PDE4B: variants seen among roughly 807,000 people sequenced by gnomAD.
PDE4B encodes 3',5'-cyclic-AMP phosphodiesterase 4B.
A neutral mutation model predicts 82.2 loss-of-function variants in PDE4B; 20 were observed. The observed-to-expected ratio is 0.24, with a 90% CI of 0.17 to 0.35. PDE4B has a LOEUF of 0.35. PDE4B is among the 10% of genes least tolerant of loss of function. The pLI is 1.00. For synonymous variants in PDE4B, 320 were observed against 318.9 expected (o/e 1.00, Z -0.04); for missense variants, 655 against 907.2 (o/e 0.72, Z 3.57).
At chr1:66,072,521 G>C (rs772110889) in intron 3 of PDE4B, among the ~76,000 whole-genome samples, 82 of 152,232 alleles carry the variant, frequency 5.4e-4, no homozygotes, top group Non-Finnish European at 6.5e-4. Context: ...CAAGCAGCTA[G>C]GTGGCCCTCC....
chr1:66,038,374 G>C (rs1369660373), intron 3 of PDE4B, among the ~76,000 whole-genome samples: 1 of 152,096 alleles, frequency 6.6e-6, no homozygotes, highest in African/African-American at 2.4e-5. Flanking sequence ...CACATAGCAG[G>C]GGGTCTTGTT....
Position 66,373,722 on chromosome 1 carries a change from G to A in PDE4B, c.*1044G>A, listed in dbSNP as rs186227828. On this transcript the variant is annotated 3_prime_UTR_variant, in exon 17 of 17. Coordinates refer to ENST00000341517, the MANE Select transcript of PDE4B (RefSeq NM_002600.4). ...TATCTAACATTGCCTGCCAATGGTG[G>A]TGTTAAATTTGTGTAGAAAACTCTG... is the stretch of plus-strand genomic sequence containing the variant. 4 of 152,570 alleles carry A rather than the reference G, an allele frequency of 2.6e-5. No individual in the cohort carries two copies. Among genetic ancestry groups the A allele is most frequent in the African/African-American group, 7.2e-5 (3 of 41,412 alleles). 9.5% of individuals were successfully genotyped at this position (152,570 alleles called of 1,614,324 possible).
chr1:66,106,654 G>T (rs1349289015), intron 3 of PDE4B, among the ~76,000 whole-genome samples: 1 of 151,834 alleles, frequency 6.6e-6, no homozygotes, highest in East Asian at 1.9e-4. Flanking sequence ...ACTTCTTCCT[G>T]GTTTGGTCTT....
At chr1:66,320,558 C>T (rs899619193) in intron 7 of PDE4B, among the ~76,000 whole-genome samples, 7 of 152,146 alleles carry the variant, frequency 4.6e-5, no homozygotes, top group African/African-American at 1.7e-4. Context: ...GTCTTTGATA[C>T]TGTTCAGTAG....
chr1:66,102,177 G>T (rs546669131), intron 3 of PDE4B, among the ~76,000 whole-genome samples: 1 of 151,966 alleles, frequency 6.6e-6, no homozygotes, highest in Non-Finnish European at 1.5e-5. Flanking sequence ...CCTCTATTCC[G>T]TTCCATTGGT....
At chr1:66,286,863 C>T (rs1013465713) in intron 7 of PDE4B, among the ~76,000 whole-genome samples, 5 of 152,054 alleles carry the variant, frequency 3.3e-5, no homozygotes, top group Admixed American at 2.6e-4. Flanking sequence ...CAGTCACTGT[C>T]CCCAAAGAGC....
At chr1:65,912,945 A>G (rs1003141910) in intron 1 of PDE4B, among the ~76,000 whole-genome samples, 3 of 152,220 alleles carry the variant, frequency 2.0e-5, no homozygotes, top group Non-Finnish European at 4.4e-5. Context: ...ACTATAAAAC[A>G]TTTGTGTAAA....
At chr1:65,956,721 T>C (rs538492297) in intron 3 of PDE4B, among the ~76,000 whole-genome samples, 24 of 152,176 alleles carry the variant, frequency 1.6e-4, no homozygotes, top group Non-Finnish European at 3.5e-4. Flanking sequence ...ATGTTATGTA[T>C]ACCTGTCTCT....
chr1:66,100,170 C>T (rs1167342609), intron 3 of PDE4B, among the ~76,000 whole-genome samples: 1 of 152,112 alleles, frequency 6.6e-6, no homozygotes, highest in East Asian at 1.9e-4. Context: ...TCTCCTTCCT[C>T]AGCCTCCCAA....
intron 3 of PDE4B, among the ~76,000 whole-genome samples, chr1:66,021,885 C>A (rs1290897702): frequency 6.6e-6 from 1 of 152,184 alleles, no homozygotes; most frequent in Non-Finnish European, 1.5e-5. Flanking sequence ...GGCATTGAAT[C>A]TATAAATTAC....
intron 7 of PDE4B, among the ~76,000 whole-genome samples, chr1:66,304,970 C>T (rs940370775): frequency 6.6e-6 from 1 of 152,090 alleles, no homozygotes; most frequent in Non-Finnish European, 1.5e-5. Flanking sequence ...CTGTGCCAGG[C>T]ACTGTTATAG....
chr1:65,834,990 C>T (rs6669695), intron 1 of PDE4B, among the ~76,000 whole-genome samples: 3,085 of 152,258 alleles, frequency 0.02, 99 homozygotes, highest in African/African-American at 0.071. Flanking sequence ...CTATAGCTCT[C>T]AACGCCTCTG....
chr1:65,861,759 T>A (rs1464412907), intron 1 of PDE4B, among the ~76,000 whole-genome samples: 1 of 152,192 alleles, frequency 6.6e-6, no homozygotes. Flanking sequence ...GAAGAGGTCC[T>A]TCATATCTCT....
At chr1:66,151,633 TG>T (rs1173148391) in intron 3 of PDE4B, among the ~76,000 whole-genome samples, 1 of 152,220 alleles carries the variant, frequency 6.6e-6, no homozygotes, top group Non-Finnish European at 1.5e-5. Flanking sequence ...AATTCCTATC[TG>T]TGGTTTAAAA....
intron 8 of PDE4B, among the ~76,000 whole-genome samples, chr1:66,344,543 A>G (rs2101965930): frequency 6.6e-6 from 1 of 152,320 alleles, no homozygotes; most frequent in South Asian, 2.1e-4. Flanking sequence ...TTGCAAACTG[A>G]GAAAGGTCAC....
rs185041543 is a variant in PDE4B, at chr1:66,191,717, C to T, written c.282-55743C>T. 1.3e-3 allele frequency among the ~76,000 whole-genome samples: 205 copies of T among 152,138 alleles called. 3 individuals are homozygous for T. Among genetic ancestry groups the T allele is most frequent in the South Asian group, 4.2e-4 (2 of 4,812 alleles). On this transcript the variant is annotated intron_variant, in intron 3 of 16. Transcript: ENST00000341517. ...TTCACGCTGCTGATAAAGACATACC[C>T]GAGACTGGGTAATTTATAAAGGAAA...
intron 3 of PDE4B, among the ~76,000 whole-genome samples, chr1:65,926,182 C>T (rs144515711): frequency 1.2e-4 from 19 of 152,264 alleles, no homozygotes; most frequent in African/African-American, 4.1e-4. Context: ...CTTTGACGTC[C>T]ATTATGCACC....
At chr1:65,926,572 T>C (rs1647512608) in intron 3 of PDE4B, among the ~76,000 whole-genome samples, 1 of 152,238 alleles carries the variant, frequency 6.6e-6, no homozygotes, top group South Asian at 2.1e-4. Flanking sequence ...TTGCTTATTT[T>C]ATGTAGTAGA....
intron 1 of PDE4B, among the ~76,000 whole-genome samples, chr1:65,898,739 G>T (rs1024129230): frequency 1.3e-5 from 2 of 152,094 alleles, no homozygotes; most frequent in Admixed American, 1.3e-4. Flanking sequence ...TCAACAAAGG[G>T]TGCTGGGATA....
Sources: allele counts gnomAD v4.1 joint callset (sites outside exome capture counted in the v4.1 genomes callset), GRCh38; gene constraint gnomAD v4.1.1; transcripts MANE v1.5; gene names NCBI Gene and HGNC (gene_info 2026-07-23, HGNC 2026-07-21).